The following ADCY5 variants were observed in gnomAD, a reference collection of about 807,000 sequenced individuals.
ADCY5 encodes adenylate cyclase type 5.
Under a neutral mutation model 119.7 loss-of-function variants are expected in ADCY5, and 30 were observed. That is an observed-to-expected ratio of 0.25 (90% CI 0.19 to 0.34). The LOEUF (loss-of-function observed/expected upper bound fraction) is 0.34. Ranked by LOEUF, ADCY5 falls within the 10% of genes least tolerant of loss-of-function variation. ADCY5 has a pLI of 1.00. For synonymous variants in ADCY5, 753 were observed against 762.2 expected (o/e 0.99, Z 0.20); for missense variants, 1,324 against 1,775.2 (o/e 0.75, Z 4.57).
chr3:123,332,018 G>A (rs1003248326), intron 4 of ADCY5, among the ~76,000 whole-genome samples: 3 of 152,200 alleles, frequency 2.0e-5, no homozygotes, highest in Non-Finnish European at 4.4e-5. Context: ...GGGGTGAATA[G>A]GGGCCTAAGG....
At chr3:123,290,070 TCA>T in intron 18 of ADCY5, 116 bp from the exon 19 acceptor site, 1 of 1,013,016 alleles carries the variant, frequency 9.9e-7, no homozygotes, top group Non-Finnish European at 1.5e-6. Context: ...TGTCCGCTCT[TCA>T]CACAGTGGGG....
chr3:123,357,905 T>C (rs148515192), intron 1 of ADCY5, among the ~76,000 whole-genome samples: 1 of 152,254 alleles, frequency 6.6e-6, no homozygotes, highest in African/African-American at 2.4e-5. Flanking sequence ...AAGGAAGGTA[T>C]GTCCAAATGC....
intron 1 of ADCY5, among the ~76,000 whole-genome samples, chr3:123,370,859 C>G (rs559830436): frequency 1.3e-5 from 2 of 152,042 alleles, no homozygotes; most frequent in African/African-American, 4.8e-5. Context: ...CTTCCCACCA[C>G]GTGCTCTGGG....
chr3:123,317,031 G>GTA (rs1050367466), intron 11 of ADCY5, among the ~76,000 whole-genome samples: 8 of 80,866 alleles, frequency 9.9e-5, no homozygotes, highest in African/African-American at 2.1e-4. Context: ...ATACGTATAT[G>GTA]TATGTGTGTG....
intron 1 of ADCY5, among the ~76,000 whole-genome samples, chr3:123,385,487 C>G (rs1013509634): frequency 1.3e-5 from 2 of 152,140 alleles, no homozygotes; most frequent in Admixed American, 6.5e-5. Context: ...GTCTTGGTGC[C>G]TAAAATCATG....
At chr3:123,294,779 G>T (rs1299143506) in intron 17 of ADCY5, among the ~76,000 whole-genome samples, 1 of 152,200 alleles carries the variant, frequency 6.6e-6, no homozygotes, top group African/African-American at 2.4e-5. Context: ...GGGTGCGCAG[G>T]GATGACGCAG....
chr3:123,399,636 T>G (rs2107605778), intron 1 of ADCY5, among the ~76,000 whole-genome samples: 1 of 152,328 alleles, frequency 6.6e-6, no homozygotes, highest in Non-Finnish European at 1.5e-5. Context: ...TTTCTCAGTT[T>G]AGTTTTCTTT....
intron 12 of ADCY5, among the ~76,000 whole-genome samples, chr3:123,304,997 T>C (rs1466537308): frequency 6.6e-6 from 1 of 152,048 alleles, no homozygotes; most frequent in Non-Finnish European, 1.5e-5. Context: ...CCCCCAACAC[T>C]TCCTGCTGAG....
At position 123,354,834 on chromosome 3, in the gene ADCY5, T is replaced by C. The variant is rs186574779; in HGVS notation, c.1135-2253A>G. Among the ~76,000 whole-genome samples, 308 of 152,320 alleles carry C rather than the reference T, an allele frequency of 2.0e-3. 1 individual carries two copies. The highest frequency in any genetic ancestry group is 7.2e-3 in the African/African-American group (299 of 41,570). ...CAACCAACGTAATTTTCCATATTAA[T>C]AGACTAAAATTTAAAAACTATATGA... On this transcript the variant is annotated intron_variant, in intron 1 of 20. Coordinates refer to ENST00000462833, the MANE Select transcript of ADCY5 (RefSeq NM_183357.3).
chr3:123,339,258 C>T (rs1942165932), intron 3 of ADCY5, among the ~76,000 whole-genome samples: 1 of 152,132 alleles, frequency 6.6e-6, no homozygotes, highest in Non-Finnish European at 1.5e-5. Context: ...CATCATCCAA[C>T]CTGAAGAATC....
chr3:123,359,296 G>C (rs1401888889), intron 1 of ADCY5, among the ~76,000 whole-genome samples: 1 of 134,014 alleles, frequency 7.5e-6, no homozygotes, highest in Non-Finnish European at 1.6e-5. Flanking sequence ...AGTATAAGTA[G>C]GTTCCAGGCA....
intron 1 of ADCY5, among the ~76,000 whole-genome samples, chr3:123,371,309 C>T (rs1434582224): frequency 6.6e-6 from 1 of 152,210 alleles, no homozygotes; most frequent in Non-Finnish European, 1.5e-5. Flanking sequence ...ATCTACTTCT[C>T]AAGGACTGTG....
chr3:123,352,512 C>A lies in ADCY5; in HGVS notation c.1204G>T (p.Val402Phe), dbSNP rs1942876013. 6.2e-7 allele frequency: 1 copy of A among 1,614,026 alleles called. No homozygotes were observed. Among genetic ancestry groups the A allele is most frequent in the Non-Finnish European group, 8.5e-7 (1 of 1,179,960 alleles). ...TCCTGGAAAGCCTGTCTCTGGGAGA[C>A]CTCAGCCGGATAGTGGGTGCAGACA... The part of the protein sequence containing the change: ...VGVCTHYPAE[V>F]SQRQAFQETR... Residue 402 changes from valine (V) to phenylalanine (F), a missense_variant, in exon 2 of 21, where the codon GTC (valine) becomes TTC (phenylalanine). Physicochemically the swap from Val to Phe is conservative, Grantham distance 50. Transcript: ENST00000462833. The surrounding 1 kb of genome is among the most constrained non-coding windows in gnomAD (Gnocchi z 4.8).
At position 123,284,486 on chromosome 3, in the gene ADCY5, G is replaced by T; in HGVS notation, c.*122C>A. 1 of 1,461,276 alleles carries T rather than the reference G, an allele frequency of 6.8e-7. No individual in the cohort carries two copies. Among genetic ancestry groups the T allele is most frequent in the South Asian group, 1.3e-5 (1 of 75,548 alleles). 90.5% of individuals were successfully genotyped at this position (1,461,276 alleles called of 1,614,324 possible). A position where few individuals can be genotyped will look rare whatever the true frequency, so the allele number is the denominator to read the frequency against. ...CAGAAGCTGCTCTGGAGTCCAAGTG[G>T]AAAATCTCAGCAGCGCAGCCCTGCG... On this transcript the variant is annotated 3_prime_UTR_variant, in exon 21 of 21. Coordinates refer to ENST00000462833, the MANE Select transcript of ADCY5 (RefSeq NM_183357.3).
At chr3:123,347,001 G>A (rs190443691) in intron 3 of ADCY5, among the ~76,000 whole-genome samples, 6 of 152,304 alleles carry the variant, frequency 3.9e-5, no homozygotes, top group Admixed American at 6.5e-5. Flanking sequence ...CGGCAAACAC[G>A]CAGTGAAAGG....
At position 123,352,449 on chromosome 3, in the gene ADCY5, G is replaced by A. The variant is rs1204423607; in HGVS notation, c.1267C>T (p.Arg423Trp). The change falls in exon 2 of 21, where the codon CGG becomes TGG. Residue 423 changes from arginine (R) to tryptophan (W), a missense_variant. By Grantham distance (101) the Arg-to-Trp change is moderately radical. Around this residue, in one of 6 missense-constraint regions of ADCY5, gnomAD observed 123 missense variants for 287.9 expected, o/e 0.43. Coordinates refer to ENST00000462833, the MANE Select transcript of ADCY5 (RefSeq NM_183357.3). The surrounding 1 kb of genome is among the most constrained non-coding windows in gnomAD (Gnocchi z 4.8). ...TCACTCACCTGCTGCTGGTTCTCCC[G>A]CTGCGAGTGGAGCCGCGCCTGGATG... is the stretch of plus-strand genomic sequence containing the variant. ...ECIQARLHSQ[R>W]ENQQQERLLL... is the part of the protein sequence containing the mutation. 7.4e-6 allele frequency: 12 copies of A among 1,612,850 alleles called. No individual in the cohort carries two copies. Among genetic ancestry groups the A allele is most frequent in the African/African-American group, 1.3e-5 (1 of 75,046 alleles).
At chr3:123,364,252 T>A (rs1363199639) in intron 1 of ADCY5, among the ~76,000 whole-genome samples, 1 of 152,248 alleles carries the variant, frequency 6.6e-6, no homozygotes, top group East Asian at 1.9e-4. Flanking sequence ...AAAAAGTACA[T>A]GCTTGTGCTA....
chr3:123,343,446 C>T (rs1316987050), intron 3 of ADCY5, among the ~76,000 whole-genome samples: 13 of 152,182 alleles, frequency 8.5e-5, no homozygotes, highest in Non-Finnish European at 1.3e-4. Context: ...AGCCACCAGG[C>T]GGCAGAGCTG....
chr3:123,320,763 T>C lies in ADCY5; in HGVS notation c.2097A>G (p.Glu699=). 1 of 1,608,804 alleles carries C rather than the reference T, an allele frequency of 6.2e-7. No homozygotes were observed. Among genetic ancestry groups the C allele is most frequent in the South Asian group, 1.1e-5 (1 of 90,858 alleles). ...ATATTACTCACTTGTCCTTGGGGTC[T>C]TCAAAGCCCTAGAAGAGAAGGATAG... is the stretch of plus-strand genomic sequence containing the variant. ...VSKEMKRMGF[E]DPKDKNAQES... is the part of the protein sequence containing the mutation. Residue 699 remains glutamate, a synonymous_variant, in exon 9 of 21, where the codon GAA becomes GAG. Transcript: ENST00000462833.
Sources: gnomAD v4.1 joint callset for allele counts (sites outside exome capture counted in the v4.1 genomes callset) on GRCh38, gnomAD v4.1.1 for gene constraint, gnomAD v4.1.1 regional missense constraint, Gnocchi (gnomAD v3.1) non-coding constraint, MANE v1.5 for transcripts, NCBI Gene and HGNC (gene_info 2026-07-23, HGNC 2026-07-21) for gene names.